The following ITGAM variants were observed in gnomAD, a reference collection of about 807,000 sequenced individuals.
ITGAM encodes the protein integrin subunit alpha M.
ITGAM carries 79 observed loss-of-function variants against 137.5 expected under a neutral mutation model. The ratio of observed to expected loss-of-function variants is 0.57; its 90% CI spans 0.48 to 0.69. The LOEUF is 0.69. Among genes scored for constraint, ITGAM ranks in the 30% least tolerant of loss-of-function variants. ITGAM has a pLI of 0.00. For synonymous variants in ITGAM, 583 were observed against 592.3 expected (o/e 0.98, Z 0.23); for missense variants, 1,343 against 1,483.5 (o/e 0.91, Z 1.56).
At chr16:31,313,126 G>A (rs774839990) in intron 14 of ITGAM, among the ~76,000 whole-genome samples, 1 of 152,100 alleles carries the variant, frequency 6.6e-6, no homozygotes, top group Admixed American at 6.6e-5. Context: ...GCTGAGGCAG[G>A]AGAATTGCTT....
intron 14 of ITGAM, among the ~76,000 whole-genome samples, chr16:31,316,896 G>A (rs538472435): frequency 1.2e-4 from 19 of 152,172 alleles, no homozygotes; most frequent in African/African-American, 4.3e-4. Flanking sequence ...TTTTCAGATA[G>A]TTTGTTGTTA....
chr16:31,328,643 A>ATG (rs923412573), intron 23 of ITGAM, among the ~76,000 whole-genome samples: 2 of 124,770 alleles, frequency 1.6e-5, no homozygotes, highest in East Asian at 2.6e-4. Context: ...GTGTGTGCAT[A>ATG]TGTGTGTGTC....
intron 14 of ITGAM, among the ~76,000 whole-genome samples, chr16:31,307,971 A>T (rs2080282706): frequency 6.6e-6 from 1 of 152,034 alleles, no homozygotes; most frequent in Admixed American, 6.6e-5. Context: ...CGTATGTTGA[A>T]CCAGCCTTGC....
rs1596977068 is a variant in ITGAM, at chr16:31,271,099, G to A, written c.558+15G>A. 1.3e-6 allele frequency: 2 copies of A among 1,543,594 alleles called. No individual in the cohort carries two copies. The highest frequency in any genetic ancestry group is 1.4e-5 in the African/African-American group (1 of 73,166). On this transcript the variant is annotated intron_variant, in intron 6 of 29. Coordinates refer to ENST00000544665, the MANE Select transcript of ITGAM (RefSeq NM_000632.4). ...CCAAAACCTTGGTGAGGGCCCAGGG[G>A]TAGGTTAGGGAAGAGCCCACACGGG...
intron 25 of ITGAM, 83 bp from the exon 26 acceptor site, chr16:31,329,998 C>A: frequency 6.5e-7 from 1 of 1,545,932 alleles, no homozygotes; most frequent in Non-Finnish European, 8.8e-7. Context: ...CCGCCCCTCT[C>A]CTGGACCCAG....
At chr16:31,306,898 A>G (rs1350312577) in intron 14 of ITGAM, among the ~76,000 whole-genome samples, 2 of 152,204 alleles carry the variant, frequency 1.3e-5, no homozygotes, top group African/African-American at 4.8e-5. Context: ...GTCCAATAAT[A>G]TATGAACACC....
At chr16:31,295,949 A>C (rs1288368815) in intron 12 of ITGAM, among the ~76,000 whole-genome samples, 1 of 151,898 alleles carries the variant, frequency 6.6e-6, no homozygotes, top group East Asian at 1.9e-4. Flanking sequence ...ATTTTGTCAA[A>C]TGCTTTTTTT....
At chr16:31,280,710 T>C (rs1287156737) in intron 12 of ITGAM, among the ~76,000 whole-genome samples, 1 of 151,772 alleles carries the variant, frequency 6.6e-6, no homozygotes, top group Non-Finnish European at 1.5e-5. Flanking sequence ...ACCCTTTATT[T>C]CTTTCTCCTG....
intron 14 of ITGAM, among the ~76,000 whole-genome samples, chr16:31,299,790 C>CCCTCCTCCTCCTCTT (rs2080177802): frequency 8.8e-6 from 1 of 113,692 alleles, no homozygotes; most frequent in Non-Finnish European, 1.8e-5. Context: ...CTCCGCCTCC[C>CCCTCCTCCTCCTCTT]CCTCCTCCTC....
intron 12 of ITGAM, among the ~76,000 whole-genome samples, chr16:31,280,706 T>A (rs547792854): frequency 3.9e-5 from 6 of 152,292 alleles, no homozygotes; most frequent in Admixed American, 3.9e-4. Flanking sequence ...GAATACCCTT[T>A]ATTTCTTTCT....
At chr16:31,283,863 C>T (rs1257437471) in intron 12 of ITGAM, among the ~76,000 whole-genome samples, 1 of 152,184 alleles carries the variant, frequency 6.6e-6, no homozygotes, top group Non-Finnish European at 1.5e-5. Context: ...GTGGTTTTAT[C>T]TACCTTTGGT....
chr16:31,267,003 G>C (rs2079776882), intron 5 of ITGAM, among the ~76,000 whole-genome samples: 4 of 152,052 alleles, frequency 2.6e-5, no homozygotes, highest in African/African-American at 9.7e-5. Flanking sequence ...AAGTAGCTGG[G>C]ATTACAGGTG....
chr16:31,271,721 G>A, intron 6 of ITGAM, 126 bp from the exon 7 acceptor site: 3 of 1,137,548 alleles, frequency 2.6e-6, no homozygotes, highest in Middle Eastern at 2.9e-4. Flanking sequence ...TGAGGCAGGG[G>A]ATTAGGGGCA....
At chr16:31,298,056 C>T in intron 14 of ITGAM, 102 bp downstream of exon 14, 1 of 921,260 alleles carries the variant, frequency 1.1e-6, no homozygotes, top group Non-Finnish European at 1.7e-6. Flanking sequence ...CACAGTACTC[C>T]TTTCAGAACC....
chr16:31,321,314 C>T lies in ITGAM; in HGVS notation c.1781C>T (p.Thr594Ile). ...GQSLSGGQDLTMDGLVDLTVG... is the reference protein window; with the variant it reads ...GQSLSGGQDLIMDGLVDLTVG... The stretch of plus-strand genomic sequence containing the variant: ...TCACTGAGTGGGGGCCAGGACCTCA[C>T]AATGGATGGACTGGTAGACCTGACT... Residue 594 changes from threonine (T) to isoleucine (I), a missense_variant, in exon 15 of 30, where the codon ACA becomes ATA. By Grantham distance (89) the Thr-to-Ile change is moderately conservative. Transcript: ENST00000544665. The T allele has an allele frequency of 6.2e-7, 1 of 1,614,024 alleles. No individual in the cohort carries two copies. Among genetic ancestry groups the T allele is most frequent in the Non-Finnish European group, 8.5e-7 (1 of 1,179,890 alleles).
At chr16:31,267,708 AG>A (rs2079785270) in intron 5 of ITGAM, among the ~76,000 whole-genome samples, 1 of 151,682 alleles carries the variant, frequency 6.6e-6, no homozygotes, top group South Asian at 2.1e-4. Context: ...GCTGGAGTGC[AG>A]TGGCACAATC....
At chr16:31,276,066 T>A (rs1410409257) in intron 9 of ITGAM, among the ~76,000 whole-genome samples, 2 of 152,172 alleles carry the variant, frequency 1.3e-5, no homozygotes, top group Non-Finnish European at 2.9e-5. Flanking sequence ...CAATAAATGT[T>A]TGTTGAATAA....
chr16:31,291,345 A>G (rs530518322), intron 12 of ITGAM, among the ~76,000 whole-genome samples: 92 of 152,250 alleles, frequency 6.0e-4, no homozygotes, highest in African/African-American at 2.2e-3. Flanking sequence ...TTCCTTTGGC[A>G]ATATACCCAG....
chr16:31,260,109 TGGGGG>T lies in ITGAM; in HGVS notation c.28+18_28+22del. On this transcript the variant is annotated intron_variant, in intron 1 of 29. Transcript: ENST00000544665. Reference sequence around the variant, plus strand: ...TGTTAACAGGTGCATGGGGGTGGGGTGGGGGACTCTGGGTGGGGAGGAGGGTAACT... The same window carrying T: ...TGTTAACAGGTGCATGGGGGTGGGGTACTCTGGGTGGGGAGGAGGGTAACT... 3.8e-6 allele frequency: 1 copy of T among 260,366 alleles called. No individual in the cohort carries two copies. The highest frequency in any genetic ancestry group is 7.6e-6 in the Non-Finnish European group (1 of 131,872). 16.1% of individuals were successfully genotyped at this position (260,366 alleles called of 1,614,324 possible).
Sources: allele counts gnomAD v4.1 joint callset (sites outside exome capture counted in the v4.1 genomes callset), GRCh38; gene constraint gnomAD v4.1.1; transcripts MANE v1.5; gene names NCBI Gene and HGNC (gene_info 2026-07-23, HGNC 2026-07-21).